POC1A: variants seen among roughly 807,000 people sequenced by gnomAD.
POC1A encodes the protein POC1 centriolar protein homolog A.
Under a neutral mutation model 47.8 loss-of-function variants are expected in POC1A, and 34 were observed. The observed-to-expected ratio is 0.71, with a 90% CI of 0.54 to 0.95. The LOEUF (loss-of-function observed/expected upper bound fraction) is 0.95. Among genes scored for constraint, POC1A ranks in the 40% least tolerant of loss-of-function variants. The pLI, the probability that POC1A is intolerant of heterozygous loss-of-function variation, is 0.00. For synonymous variants in POC1A, 177 were observed against 207.6 expected, an observed-to-expected ratio of 0.85 and a Z score of 1.27; for missense variants, 466 against 528.3, an observed-to-expected ratio of 0.88 and a Z score of 1.16.
At chr3:52,107,285 G>C (rs538029986) in intron 9 of POC1A, among the ~76,000 whole-genome samples, 2 of 152,294 alleles carry the variant, frequency 1.3e-5, no homozygotes, top group African/African-American at 4.8e-5. Context: ...AGGTGGAGCC[G>C]GTTTTAGGAA....
chr3:52,127,518 G>A (rs1704051198), intron 7 of POC1A, among the ~76,000 whole-genome samples: 2 of 151,564 alleles, frequency 1.3e-5, no homozygotes, highest in Non-Finnish European at 2.9e-5. Context: ...AGCCTCCCGA[G>A]TAGCTGGGAT....
chr3:52,143,819 T>TA (rs367598277), intron 6 of POC1A, among the ~76,000 whole-genome samples: 105 of 152,244 alleles, frequency 6.9e-4, no homozygotes, highest in East Asian at 6.4e-3. Context: ...CTTCATACCT[T>TA]AAATGACGAG....
chr3:52,138,558 A>C (rs1293978346), intron 6 of POC1A, among the ~76,000 whole-genome samples: 1 of 152,124 alleles, frequency 6.6e-6, no homozygotes, highest in African/African-American at 2.4e-5. Flanking sequence ...AGATGCAAAA[A>C]CCAGAGGCAG....
intron 7 of POC1A, among the ~76,000 whole-genome samples, chr3:52,129,392 T>C (rs1264088351): frequency 6.6e-6 from 1 of 152,256 alleles, no homozygotes; most frequent in Non-Finnish European, 1.5e-5. Context: ...TCTACCCTCA[T>C]GATGGCTTAT....
chr3:52,138,809 A>G (rs1259992714), intron 6 of POC1A, among the ~76,000 whole-genome samples: 2 of 152,106 alleles, frequency 1.3e-5, no homozygotes, highest in African/African-American at 2.4e-5. Flanking sequence ...CTGCATTCGG[A>G]CCCCAAGCCT....
chr3:52,145,794 T>A (rs756336628), intron 6 of POC1A, 52 bp downstream of exon 6: 61 of 1,179,744 alleles, frequency 5.2e-5, no homozygotes, highest in Non-Finnish European at 7.0e-5. Context: ...TCCAACACCA[T>A]CACAGTCCCA....
At chr3:52,120,686 G>A (rs1288845165) in intron 9 of POC1A, among the ~76,000 whole-genome samples, 5 of 152,200 alleles carry the variant, frequency 3.3e-5, no homozygotes, top group Non-Finnish European at 4.4e-5. Context: ...AGTGGGCAGA[G>A]CTGTGACTAC....
chr3:52,119,634 G>A (rs1303214389), intron 9 of POC1A, among the ~76,000 whole-genome samples: 5 of 152,096 alleles, frequency 3.3e-5, no homozygotes, highest in African/African-American at 4.8e-5. Context: ...AGGCACAAGC[G>A]ATCCTCTAGT....
chr3:52,096,506 C>A (rs751167255), intron 10 of POC1A, 63 bp downstream of exon 10: 13 of 1,364,486 alleles, frequency 9.5e-6, no homozygotes, highest in Middle Eastern at 2.3e-4. Context: ...CAACTTCAAA[C>A]GGTCCAAATG....
intron 7 of POC1A, among the ~76,000 whole-genome samples, chr3:52,126,374 T>C (rs1704001650): frequency 6.6e-6 from 1 of 152,196 alleles, no homozygotes; most frequent in African/African-American, 2.4e-5. Flanking sequence ...AGAGGTGCCA[T>C]TCAGCCTCAG....
intron 9 of POC1A, among the ~76,000 whole-genome samples, chr3:52,117,703 T>C (rs565890475): frequency 2.4e-4 from 37 of 152,118 alleles, no homozygotes; most frequent in South Asian, 4.2e-4. Flanking sequence ...GGTTTTTTTT[T>C]CCTCCCGTTT....
At chr3:52,102,875 T>C (rs951194318) in intron 9 of POC1A, among the ~76,000 whole-genome samples, 1 of 152,012 alleles carries the variant, frequency 6.6e-6, no homozygotes, top group African/African-American at 2.4e-5. Context: ...AAAATTTACA[T>C]GGAAAGGCAA....
In POC1A at chr3:52,147,103, G is replaced by A. The variant is rs149525893; in HGVS notation, c.456-8C>T. The A allele has an allele frequency of 1.1e-5, 18 of 1,606,572 alleles. No homozygotes were observed. Among genetic ancestry groups the A allele is most frequent in the African/African-American group, 5.3e-5 (4 of 74,886 alleles). On this transcript the variant is annotated splice_region_variant and splice_polypyrimidine_tract_variant and intron_variant, in intron 4 of 10. Transcript: ENST00000296484. ...CGCCCGTCGGGGGAGAACCTGAACC[G>A]GGTGGGGCACAAGTCACATCACAGA...
intron 9 of POC1A, among the ~76,000 whole-genome samples, chr3:52,117,881 G>A (rs946067360): frequency 6.6e-6 from 1 of 152,218 alleles, no homozygotes; most frequent in Admixed American, 6.5e-5. Context: ...TTCTGTGGTT[G>A]AGCAGAAGTC....
chr3:52,118,001 A>C (rs1467077505), intron 9 of POC1A, among the ~76,000 whole-genome samples: 1 of 152,206 alleles, frequency 6.6e-6, no homozygotes, highest in Non-Finnish European at 1.5e-5. Flanking sequence ...AAGAGGGTGG[A>C]CAAGAATAGA....
intron 9 of POC1A, among the ~76,000 whole-genome samples, chr3:52,121,686 G>A (rs1243032167): frequency 6.6e-6 from 1 of 152,174 alleles, no homozygotes; most frequent in Non-Finnish European, 1.5e-5. Context: ...ATGGTCCAAC[G>A]GAGAGACATC....
chr3:52,103,521 G>A (rs1379402469), intron 9 of POC1A, among the ~76,000 whole-genome samples: 1 of 151,944 alleles, frequency 6.6e-6, no homozygotes, highest in Non-Finnish European at 1.5e-5. Context: ...GCAAGACTTC[G>A]TCTCAAAAAA....
intron 9 of POC1A, among the ~76,000 whole-genome samples, chr3:52,113,568 G>A (rs143255583): frequency 1.1e-3 from 169 of 152,282 alleles, no homozygotes; most frequent in African/African-American, 3.9e-3. Flanking sequence ...CCGGTGTGGT[G>A]GTGTGCACCT....
chr3:52,112,740 G>A (rs1464813578), intron 9 of POC1A, among the ~76,000 whole-genome samples: 2 of 152,128 alleles, frequency 1.3e-5, no homozygotes, highest in Non-Finnish European at 2.9e-5. Context: ...AGTGGGCTGC[G>A]AGGGACACTG....
Sources: allele counts gnomAD v4.1 joint callset (sites outside exome capture counted in the v4.1 genomes callset), GRCh38; gene constraint gnomAD v4.1.1; transcripts MANE v1.5; gene names NCBI Gene and HGNC (gene_info 2026-07-23, HGNC 2026-07-21).